LSM7: variants seen among roughly 807,000 people sequenced by gnomAD.
LSM7 encodes U6 snRNA-associated Sm-like protein LSm7.
LSM7 carries 13 observed loss-of-function variants against 14.1 expected under a neutral mutation model. That is an observed-to-expected ratio of 0.92 (90% CI 0.60 to 1.47). The LOEUF is 1.47. Among genes scored for constraint, LSM7 ranks in the 40% most tolerant of loss-of-function variants. The pLI is 0.00. For missense variants in LSM7, 108 were observed against 140.8 expected, an observed-to-expected ratio of 0.77 and a Z score of 1.18; for synonymous variants, 70 against 57.1, an observed-to-expected ratio of 1.23 and a Z score of -1.02.
At chr19:2,322,539 TC>T (rs1262195705) in intron 3 of LSM7, among the ~76,000 whole-genome samples, 4 of 151,838 alleles carry the variant, frequency 2.6e-5, no homozygotes, top group Non-Finnish European at 5.9e-5. Context: ...AGATTCCATC[TC>T]AAAAAATAAA....
At chr19:2,325,750 G>A (rs976949449) in intron 2 of LSM7, among the ~76,000 whole-genome samples, 2 of 152,218 alleles carry the variant, frequency 1.3e-5, no homozygotes, top group Admixed American at 1.3e-4. Flanking sequence ...CACCACACTC[G>A]CCCGCTCAGG....
chr19:2,323,107 G>A (rs941667300), intron 3 of LSM7, among the ~76,000 whole-genome samples: 3 of 152,150 alleles, frequency 2.0e-5, no homozygotes, highest in Non-Finnish European at 2.9e-5. Context: ...TGCCCGGGCC[G>A]GGATGGGGAC....
chr19:2,327,809 AG>A (rs1350146689), intron 2 of LSM7, among the ~76,000 whole-genome samples: 1 of 152,162 alleles, frequency 6.6e-6, no homozygotes, highest in Non-Finnish European at 1.5e-5. Context: ...AAGATCCAAG[AG>A]GCTATTGAAT....
chr19:2,325,897 GTCCACCTCCACAGGCTTCAGCT>G (rs1434348301), intron 2 of LSM7: 2 of 152,302 alleles, frequency 1.3e-5, no homozygotes, highest in African/African-American at 4.8e-5. Flanking sequence ...ACAAGCTTCC[GTCCACCTCCACAGGCTTCAGCT>G]TCCACCTCCA....
chr19:2,327,468 C>A (rs1395771844), intron 2 of LSM7, among the ~76,000 whole-genome samples: 1 of 152,108 alleles, frequency 6.6e-6, no homozygotes, highest in Admixed American at 6.5e-5. Context: ...GTCTTGATCT[C>A]CTGACCTCCT....
At chr19:2,323,601 C>T (rs1203884581) in intron 3 of LSM7, among the ~76,000 whole-genome samples, 2 of 152,162 alleles carry the variant, frequency 1.3e-5, no homozygotes, top group South Asian at 4.1e-4. Flanking sequence ...CAGGCATGCG[C>T]CACCACACCC....
intron 2 of LSM7, among the ~76,000 whole-genome samples, chr19:2,326,669 C>A (rs1968025900): frequency 6.6e-6 from 1 of 152,238 alleles, no homozygotes. Context: ...TGGGGTTTCG[C>A]CATGTTGGCC....
At chr19:2,324,055 C>G (rs1161307219) in intron 3 of LSM7, 70 bp downstream of exon 3, 6 of 599,694 alleles carry the variant, frequency 1.0e-5, no homozygotes, top group African/African-American at 2.0e-5. Context: ...CTGCCCCCCT[C>G]GTCCCGCTGC....
At chr19:2,323,912 G>A (rs1193808033) in intron 3 of LSM7, among the ~76,000 whole-genome samples, 1 of 152,216 alleles carries the variant, frequency 6.6e-6, no homozygotes, top group African/African-American at 2.4e-5. Flanking sequence ...GCTTTGTGAG[G>A]ACGTCTAGGA....
In LSM7 at chr19:2,328,458, T is replaced by G; in HGVS notation, c.26A>C (p.Lys9Thr). ...CTTGGACAAGTCCAAGATGCTCTCC[T>G]TTTTCTTCTTCTCCTTATCCTGCGG... The part of the protein sequence containing the change: MADKEKKK[K>T]ESILDLSKYI... The change falls in exon 2 of 4, where the codon AAG becomes ACG. Residue 9 changes from lysine (K) to threonine (T), a missense_variant. Coordinates refer to ENST00000252622, the MANE Select transcript of LSM7 (RefSeq NM_016199.3). 1 of 1,613,866 alleles carries G rather than the reference T, an allele frequency of 6.2e-7. No individual in the cohort carries two copies. The highest frequency in any genetic ancestry group is 8.5e-7 in the Non-Finnish European group (1 of 1,179,844).
chr19:2,328,499 T>C (rs994891390), intron 1 of LSM7, 22 bp from the exon 2 acceptor site: 1 of 1,613,100 alleles, frequency 6.2e-7, no homozygotes, highest in South Asian at 1.1e-5. Context: ...GCAGAGCGCA[T>C]GAGACCTGGA....
rs3217017 is a variant in LSM7 at position 2,324,114 on chromosome 19, A to AC, written c.169+10dup. On this transcript the variant is annotated intron_variant, in intron 3 of 3. Coordinates refer to ENST00000252622, the MANE Select transcript of LSM7 (RefSeq NM_016199.3). ...CGTCCCGCTGCCTGCCTCGGCCGCC[A>AC]CCCCACTCACCTCGCATGTACTCAA... 0.2 allele frequency: 281,357 copies of AC among 1,395,096 alleles called. 26,506 individuals carry two copies. The highest frequency in any genetic ancestry group is 0.32 in the East Asian group (9,113 of 28,580). 86.4% of individuals were successfully genotyped at this position (1,395,096 alleles called of 1,614,324 possible).
chr19:2,322,254 TG>T (rs1272075536), intron 3 of LSM7, among the ~76,000 whole-genome samples: 3 of 152,118 alleles, frequency 2.0e-5, no homozygotes, highest in Non-Finnish European at 4.4e-5. Context: ...ACAAAGAGGC[TG>T]GGGGCCGGGC....
chr19:2,328,525 C>T (rs764141393), intron 1 of LSM7, 36 bp downstream of exon 1: 6 of 1,608,444 alleles, frequency 3.7e-6, no homozygotes, highest in Non-Finnish European at 5.1e-6. Flanking sequence ...GCCCGAGCTC[C>T]ACGCCCCCCG....
At chr19:2,324,251 GCAGGGCCCGCCC>G (rs1408945375) in intron 2 of LSM7, 55 bp from the exon 3 acceptor site, 4 of 1,387,662 alleles carry the variant, frequency 2.9e-6, no homozygotes, top group African/African-American at 1.4e-5. Context: ...CGTCCTGGGC[GCAGGGCCCGCCC>G]CAGCATGGCC....
chr19:2,325,091 G>A (rs977404620), intron 2 of LSM7, among the ~76,000 whole-genome samples: 2 of 152,190 alleles, frequency 1.3e-5, no homozygotes, highest in African/African-American at 4.8e-5. Context: ...GGCTTCGGGG[G>A]CTGAGACGGT....
chr19:2,326,493 G>A (rs938715711), intron 2 of LSM7, among the ~76,000 whole-genome samples: 1 of 152,188 alleles, frequency 6.6e-6, no homozygotes, highest in African/African-American at 2.4e-5. Flanking sequence ...GCGCCACCAT[G>A]CCCAAATAAT....
intron 2 of LSM7, chr19:2,327,868 A>G (rs528707368): frequency 1.3e-4 from 20 of 153,580 alleles, no homozygotes; most frequent in Non-Finnish European, 2.5e-4. Flanking sequence ...AGCTGCCTCA[A>G]TTACATTACA....
rs776681356 is a variant in LSM7, at chr19:2,328,572, C to G, written c.-6G>C. 1.2e-5 allele frequency: 19 copies of G among 1,582,538 alleles called. No individual in the cohort carries two copies. The South Asian group carries it at 2.2e-4, about 18-fold the overall frequency. ...CGCCGCGCGCTCACCGCCATCTTGT[C>G]GCGCCGTGTGGCTCTTCGCAGGCAC... On this transcript the variant is annotated 5_prime_UTR_variant, in exon 1 of 4. Coordinates refer to ENST00000252622, the MANE Select transcript of LSM7 (RefSeq NM_016199.3).
Sources: allele counts gnomAD v4.1 joint callset (sites outside exome capture counted in the v4.1 genomes callset), GRCh38; gene constraint gnomAD v4.1.1; transcripts MANE v1.5; gene names NCBI Gene and HGNC (gene_info 2026-07-23, HGNC 2026-07-21).